FOXN3: variants seen among roughly 807,000 people sequenced by gnomAD.
The protein encoded by FOXN3 is forkhead box protein N3.
Under a neutral mutation model 38.4 loss-of-function variants are expected in FOXN3, and 7 were observed. That is an observed-to-expected ratio of 0.18 (90% confidence interval 0.10 to 0.34). The LOEUF is 0.34. Ranked by LOEUF, FOXN3 falls within the 10% of genes least tolerant of loss-of-function variation. The pLI, the probability that FOXN3 is intolerant of heterozygous loss-of-function variation, is 1.00. For synonymous variants in FOXN3, 230 were observed against 242.2 expected (o/e 0.95, Z 0.47); for missense variants, 456 against 613.4 (o/e 0.74, Z 2.71).
At chr14:89,583,685 G>A (rs1895789827) in intron 1 of FOXN3, among the ~76,000 whole-genome samples, 1 of 152,006 alleles carries the variant, frequency 6.6e-6, no homozygotes, top group African/African-American at 2.4e-5. Context: ...TCAGCTTCCT[G>A]AGTAGCTGGG....
intron 1 of FOXN3, among the ~76,000 whole-genome samples, chr14:89,558,850 T>C (rs243206): frequency 0.88 from 134,359 of 152,120 alleles, 59,970 homozygotes; most frequent in Non-Finnish European, 0.95. Flanking sequence ...AGGTGGGCCA[T>C]GAGCTGATTG....
intron 4 of FOXN3, among the ~76,000 whole-genome samples, chr14:89,214,979 G>C (rs188417949): frequency 6.6e-6 from 1 of 152,272 alleles, no homozygotes; most frequent in East Asian, 1.9e-4. Flanking sequence ...CCATCAGATG[G>C]TTAACAAGAA....
rs755916666 is a variant in FOXN3, at chr14:89,246,542, C to CTTTT, written c.745+34404_745+34407dup. 2.7e-3 allele frequency among the ~76,000 whole-genome samples: 228 copies of CTTTT among 83,976 alleles called. 14 individuals are homozygous for CTTTT. Among genetic ancestry groups the CTTTT allele is most frequent in the African/African-American group, 0.01 (218 of 20,966 alleles). 55.1% of individuals were successfully genotyped at this position (83,976 alleles called of 152,430 possible). ...TTCTCATCTTATTTGCAGGATGCGG[C>CTTTT]TTTTTTTTTTTTTTTTTTGAGACAG... On this transcript the variant is annotated intron_variant, in intron 4 of 5. Transcript: ENST00000557258.
At chr14:89,416,470 T>C (rs533076370) in intron 1 of FOXN3, among the ~76,000 whole-genome samples, 1 of 152,148 alleles carries the variant, frequency 6.6e-6, no homozygotes, top group South Asian at 2.1e-4. Context: ...AGACGTTCGT[T>C]GCCTGTGCCA....
At chr14:89,494,131 T>G (rs1461506946) in intron 1 of FOXN3, 1 of 152,176 alleles carries the variant, frequency 6.6e-6, no homozygotes, top group African/African-American at 2.4e-5. Context: ...TACACTTACT[T>G]AATATAGTGC....
intron 1 of FOXN3, among the ~76,000 whole-genome samples, chr14:89,610,376 G>A (rs944598575): frequency 1.3e-5 from 2 of 152,192 alleles, no homozygotes; most frequent in African/African-American, 4.8e-5. Flanking sequence ...CGAAAGCAGC[G>A]TGGCTGGCAT....
In FOXN3 at chr14:89,508,632, C is replaced by T. The variant is rs1377876633; in HGVS notation, c.-14-96142G>A. On this transcript the variant is annotated intron_variant, in intron 1 of 6. Coordinates refer to the FOXN3 transcript ENST00000345097. ...TGAGGCCAGCAGGCAATGAAGTAGA[C>T]ATGTTTTGAGCAGCCCCCAGGGCTT... Among the ~76,000 whole-genome samples the T allele has an allele frequency of 3.9e-5, 6 of 152,184 alleles. No individual in the cohort carries two copies. The East Asian group carries it at 1.2e-3, about 29-fold the overall frequency.
chr14:89,406,421 T>C (rs924410363), intron 2 of FOXN3, among the ~76,000 whole-genome samples: 4 of 152,046 alleles, frequency 2.6e-5, no homozygotes, highest in Admixed American at 6.6e-5. Context: ...GTCTCAAAAA[T>C]AAATTAAATC....
chr14:89,292,780 C>A (rs1429434464), intron 3 of FOXN3, among the ~76,000 whole-genome samples: 2 of 152,156 alleles, frequency 1.3e-5, no homozygotes, highest in South Asian at 2.1e-4. Context: ...GTGACAGCAG[C>A]ACAAACAGAC....
At chr14:89,507,513 A>G (rs897725654) in intron 1 of FOXN3, among the ~76,000 whole-genome samples, 7 of 152,240 alleles carry the variant, frequency 4.6e-5, no homozygotes, top group Admixed American at 3.3e-4. Context: ...ATTGCAAACC[A>G]TACATCAACT....
intron 3 of FOXN3, among the ~76,000 whole-genome samples, chr14:89,347,117 C>T (rs1888783078): frequency 6.6e-6 from 1 of 151,964 alleles, no homozygotes; most frequent in South Asian, 2.1e-4. Context: ...TGATTTATGC[C>T]TCCCCAAAAT....
intron 1 of FOXN3, among the ~76,000 whole-genome samples, chr14:89,577,971 T>G (rs1213084032): frequency 1.3e-5 from 2 of 152,190 alleles, no homozygotes; most frequent in African/African-American, 4.8e-5. Context: ...GAACTTCCAG[T>G]GGAAAAAGAG....
At chr14:89,331,029 G>A (rs1304619958) in intron 3 of FOXN3, among the ~76,000 whole-genome samples, 1 of 152,180 alleles carries the variant, frequency 6.6e-6, no homozygotes, top group African/African-American at 2.4e-5. Flanking sequence ...GATTCATTTT[G>A]GAATGTGTGA....
At chr14:89,165,632 A>G (rs552419691) in intron 5 of FOXN3, among the ~76,000 whole-genome samples, 21 of 152,326 alleles carry the variant, frequency 1.4e-4, no homozygotes, top group African/African-American at 5.1e-4. Context: ...TCTTGGGTGC[A>G]TAAAGATGGC....
At chr14:89,246,960 A>G (rs1360019861) in intron 4 of FOXN3, among the ~76,000 whole-genome samples, 1 of 152,108 alleles carries the variant, frequency 6.6e-6, no homozygotes, top group African/African-American at 2.4e-5. Flanking sequence ...CATCCCTCCA[A>G]TCTGGGCAAC....
In FOXN3 at chr14:89,400,676, C is replaced by T. The variant is rs552561423; in HGVS notation, c.543+11258G>A. ...TCTCCCCTTTCTAATACACTAACTG[C>T]GACCCCTCTTTCTGTTCCTTGGACA... On this transcript the variant is annotated intron_variant, in intron 2 of 5. Transcript: ENST00000557258. Among the ~76,000 whole-genome samples the T allele has an allele frequency of 4.6e-4, 70 of 152,226 alleles. 2 individuals are homozygous for T. In the South Asian group the frequency reaches 0.012, roughly 26 times the overall value.
intron 2 of FOXN3, among the ~76,000 whole-genome samples, chr14:89,390,153 G>A (rs1890899111): frequency 6.6e-6 from 1 of 151,024 alleles, no homozygotes; most frequent in Non-Finnish European, 1.5e-5. Context: ...TTGAGCCTGG[G>A]ACGTTGAGGC....
chr14:89,231,903 A>G (rs1884823176), intron 4 of FOXN3, among the ~76,000 whole-genome samples: 2 of 152,330 alleles, frequency 1.3e-5, no homozygotes, highest in South Asian at 4.1e-4. Flanking sequence ...ATGGCAGGGC[A>G]GCAAATTATG....
intron 1 of FOXN3, among the ~76,000 whole-genome samples, chr14:89,431,458 G>A (rs912183533): frequency 5.3e-5 from 8 of 152,014 alleles, no homozygotes; most frequent in Non-Finnish European, 8.8e-5. Context: ...TGATCCACCC[G>A]CCTCGGCCTC....
Sources: allele counts gnomAD v4.1 joint callset (sites outside exome capture counted in the v4.1 genomes callset), GRCh38; gene constraint gnomAD v4.1.1; transcripts MANE v1.5; gene names NCBI Gene and HGNC (gene_info 2026-07-23, HGNC 2026-07-21).